The following BICRAL variants were observed in gnomAD, a reference collection of about 807,000 sequenced individuals.
BICRAL encodes the protein BICRA like chromatin remodeling complex associated protein, also known as BRD4-interacting chromatin-remodeling complex-associated protein-like.
In BICRAL, 8 loss-of-function variants were observed where a neutral mutation model predicts 91.8. The ratio of observed to expected loss-of-function variants is 0.09; its 90% CI spans 0.05 to 0.16. BICRAL has a LOEUF of 0.16. BICRAL is among the 10% of genes least tolerant of loss of function. The pLI is 1.00. For missense variants in BICRAL, 1,038 were observed against 1,310.9 expected (o/e 0.79, Z 3.21); for synonymous variants, 445 against 491.1 (o/e 0.91, Z 1.24).
intron 9 of BICRAL, among the ~76,000 whole-genome samples, chr6:42,856,366 C>CTTTTTT (rs556976712): frequency 2.9e-5 from 2 of 68,104 alleles, no homozygotes; most frequent in Non-Finnish European, 5.1e-5. Flanking sequence ...CTTTCTTTTC[C>CTTTTTT]TTTTTTTTTT....
chr6:42,785,810 C>A (rs1206532491), intron 1 of BICRAL, among the ~76,000 whole-genome samples: 1 of 152,070 alleles, frequency 6.6e-6, no homozygotes, highest in Non-Finnish European at 1.5e-5. Flanking sequence ...AATCCCAGCA[C>A]TTCGGGAGGC....
chr6:42,839,995 CA>C (rs1764738293), intron 6 of BICRAL, among the ~76,000 whole-genome samples: 1 of 152,108 alleles, frequency 6.6e-6, no homozygotes. Context: ...GATTAAAATT[CA>C]AAAGTCAGTT....
intron 1 of BICRAL, among the ~76,000 whole-genome samples, chr6:42,753,632 G>A (rs1282072516): frequency 6.6e-6 from 1 of 151,980 alleles, no homozygotes; most frequent in Non-Finnish European, 1.5e-5. Flanking sequence ...TTTTTTTTCA[G>A]ACAGGGTCTC....
chr6:42,792,319 A>ATC (rs1763297892), intron 1 of BICRAL, among the ~76,000 whole-genome samples: 2 of 152,066 alleles, frequency 1.3e-5, no homozygotes, highest in Admixed American at 1.3e-4. Context: ...CCCAGGGTTG[A>ATC]AGTCCAGTGG....
At chr6:42,760,907 A>G (rs942221692) in intron 1 of BICRAL, among the ~76,000 whole-genome samples, 2 of 152,142 alleles carry the variant, frequency 1.3e-5, no homozygotes, top group African/African-American at 4.8e-5. Flanking sequence ...CTGTAATCCC[A>G]GCTACTTGGG....
intron 6 of BICRAL, among the ~76,000 whole-genome samples, chr6:42,830,620 TGCCAGGG>T (rs1244401034): frequency 1.3e-5 from 2 of 152,132 alleles, no homozygotes; most frequent in Non-Finnish European, 2.9e-5. Flanking sequence ...TTTTCTTTTT[TGCCAGGG>T]GGCAGGGGTA....
At chr6:42,790,330 A>ATT (rs70990136) in intron 1 of BICRAL, among the ~76,000 whole-genome samples, 2,002 of 87,412 alleles carry the variant, frequency 0.023, 1 homozygote, top group African/African-American at 0.038. Flanking sequence ...AGATAATTTA[A>ATT]TTTTTTTTTT....
At chr6:42,827,893 A>T (rs946855190) in intron 5 of BICRAL, among the ~76,000 whole-genome samples, 1 of 152,138 alleles carries the variant, frequency 6.6e-6, no homozygotes, top group African/African-American at 2.4e-5. Context: ...TCAAAAAATT[A>T]AAAAGTAAAT....
chr6:42,813,721 A>G (rs999881889), intron 2 of BICRAL, among the ~76,000 whole-genome samples: 3 of 151,988 alleles, frequency 2.0e-5, no homozygotes, highest in South Asian at 2.1e-4. Context: ...GGGTTTTTCC[A>G]TGTTGCGCAG....
chr6:42,821,729 G>A (rs376670966), intron 2 of BICRAL, among the ~76,000 whole-genome samples: 2 of 152,100 alleles, frequency 1.3e-5, no homozygotes, highest in East Asian at 3.9e-4. Flanking sequence ...TAGCCCCTTG[G>A]GGGAATCTGC....
At chr6:42,801,225 TG>T (rs1763561521) in intron 1 of BICRAL, among the ~76,000 whole-genome samples, 1 of 142,562 alleles carries the variant, frequency 7.0e-6, no homozygotes, top group African/African-American at 2.7e-5. Context: ...CACTCCAGCC[TG>T]GCTGGCAGAG....
At chr6:42,802,903 G>A (rs1005785767) in intron 1 of BICRAL, among the ~76,000 whole-genome samples, 2 of 152,134 alleles carry the variant, frequency 1.3e-5, no homozygotes, top group Non-Finnish European at 2.9e-5. Context: ...ATCATTTCCT[G>A]TGTATGGTTT....
intron 1 of BICRAL, among the ~76,000 whole-genome samples, chr6:42,753,760 C>A (rs566739317): frequency 1.6e-4 from 25 of 152,072 alleles, no homozygotes; most frequent in African/African-American, 6.0e-4. Flanking sequence ...TACAGGTGTG[C>A]GCCACCACAC....
intron 1 of BICRAL, among the ~76,000 whole-genome samples, chr6:42,797,783 C>G (rs1763455389): frequency 6.6e-6 from 1 of 152,084 alleles, no homozygotes; most frequent in Admixed American, 6.6e-5. Context: ...AGAGACCAGC[C>G]TGGCCAACAT....
In BICRAL at chr6:42,830,411, A is replaced by T. The variant is rs13194947; in HGVS notation, c.1839+239A>T. The stretch of plus-strand genomic sequence containing the variant: ...TGAGACCCTGACTCTACCAAAAATT[A>T]AAAAATTAGCTGAGTGTGGTGGTGC... On this transcript the variant is annotated intron_variant, in intron 6 of 12. Transcript: ENST00000314073. Among the ~76,000 whole-genome samples, 97 of 152,158 alleles carry T rather than the reference A, an allele frequency of 6.4e-4. 1 individual carries two copies. Among genetic ancestry groups the T allele is most frequent in the South Asian group, 6.2e-4 (3 of 4,822 alleles).
At chr6:42,773,357 C>T (rs973105867) in intron 1 of BICRAL, among the ~76,000 whole-genome samples, 5 of 151,650 alleles carry the variant, frequency 3.3e-5, no homozygotes, top group African/African-American at 7.3e-5. Context: ...GGATTACAGT[C>T]GTGAGCCACT....
At chr6:42,841,075 TA>T (rs758007416) in intron 6 of BICRAL, among the ~76,000 whole-genome samples, 29,694 of 85,340 alleles carry the variant, frequency 0.35, 4,454 homozygotes, top group South Asian at 0.4. Context: ...ACTCAATCTT[TA>T]AAAAAAAAAA....
chr6:42,785,562 C>CAAAA (rs5875817), intron 1 of BICRAL, among the ~76,000 whole-genome samples: 224 of 126,844 alleles, frequency 1.8e-3, no homozygotes, highest in African/African-American at 6.1e-3. Context: ...ACTCCCATCT[C>CAAAA]AAAAAAAAAA....
Position 42,810,326 on chromosome 6 carries a change from C to T in BICRAL, c.-81C>T, listed in dbSNP as rs773633409. The T allele has an allele frequency of 3.3e-5, 5 of 152,130 alleles. No homozygotes were observed. The highest frequency in any genetic ancestry group is 7.3e-5 in the Non-Finnish European group (5 of 68,036). The allele number at this position is 152,130 out of a possible 1,614,324, so 9.4% of individuals were successfully genotyped here. A position where few individuals can be genotyped will look rare whatever the true frequency, so the allele number is the denominator to read the frequency against. ...TCTAGCAAAACGTCATATTATTTCA[C>T]AAAAAGCCCAGCGATTTCACCTGAA... is the stretch of plus-strand genomic sequence containing the variant. On this transcript the variant is annotated 5_prime_UTR_variant, in exon 2 of 13. Transcript: ENST00000314073.
Sources: allele counts gnomAD v4.1 joint callset (sites outside exome capture counted in the v4.1 genomes callset), GRCh38; gene constraint gnomAD v4.1.1; transcripts MANE v1.5; gene names NCBI Gene and HGNC (gene_info 2026-07-23, HGNC 2026-07-21).